EPS8L1: variants seen among roughly 807,000 people sequenced by gnomAD.
EPS8L1 encodes the protein epidermal growth factor receptor kinase substrate 8-like protein 1.
EPS8L1 carries 101 observed loss-of-function variants against 91.7 expected under a neutral mutation model. That is an observed-to-expected ratio of 1.10 (90% confidence interval 0.94 to 1.30). The LOEUF (loss-of-function observed/expected upper bound fraction) is 1.30. Among genes scored for constraint, EPS8L1 ranks in the 50% most tolerant of loss-of-function variants. The pLI, the probability that EPS8L1 is intolerant of heterozygous loss-of-function variation, is 0.00. For synonymous variants in EPS8L1, 506 were observed against 445.3 expected (o/e 1.14, Z -1.72); for missense variants, 1,114 against 1,017.0 (o/e 1.10, Z -1.30).
chr19:55,082,603 G>T lies in EPS8L1; in HGVS notation c.1214+1G>T, dbSNP rs748160171. 6.4e-7 allele frequency: 1 copy of T among 1,558,702 alleles called. No homozygotes were observed. The highest frequency in any genetic ancestry group is 1.9e-5 in the Admixed American group (1 of 51,726). ...TGGGGGACTCGTGGACCCGCCCCGG[G>T]TGAGGGGCGGGGCTGGGAGGCAGGG... On this transcript the variant is annotated splice_donor_variant, in intron 12 of 19. Transcript: ENST00000201647. LOFTEE classifies it high-confidence loss of function.
Position 55,081,987 on chromosome 19 carries a change from TTGCCAGGGC to T in EPS8L1, c.901+91_902-94del, listed in dbSNP as rs756314632. ...TCCCCAGGCTCTCCCCTCCCGCCAC[TTGCCAGGGC>T]TGACCTCACCGCCATCTTAACCGGG... On this transcript the variant is annotated intron_variant, in intron 9 of 19. Transcript: ENST00000201647. This position sits in a 1 kb window ranked among gnomAD's most constrained non-coding sequence, Gnocchi z 4.9. 175 of 1,555,418 alleles carry T rather than the reference TTGCCAGGGC, an allele frequency of 1.1e-4. No homozygotes were observed. The highest frequency in any genetic ancestry group is 6.7e-4 in the Middle Eastern group (4 of 6,000).
At position 55,079,682 on chromosome 19, in the gene EPS8L1, C is replaced by G. The variant is rs187625015; in HGVS notation, c.118-8C>G. 9.3e-6 allele frequency: 15 copies of G among 1,612,290 alleles called. No homozygotes were observed. The African/African-American group carries it at 1.7e-4, about 19-fold the overall frequency. ...GGGCCTCACTGCTTTCTCCATGGTCCGTACCAGCACCTGGTGACGTTCTGC... is the reference window on the plus strand; with the variant it reads ...GGGCCTCACTGCTTTCTCCATGGTCGGTACCAGCACCTGGTGACGTTCTGC... On this transcript the variant is annotated splice_polypyrimidine_tract_variant and splice_region_variant and intron_variant, in intron 4 of 19. Coordinates refer to ENST00000201647, the MANE Select transcript of EPS8L1 (RefSeq NM_133180.3).
At position 55,087,709 on chromosome 19, in the gene EPS8L1, T is replaced by C; in HGVS notation, c.*95T>C. On this transcript the variant is annotated 3_prime_UTR_variant, in exon 20 of 20. Transcript: ENST00000201647. The stretch of plus-strand genomic sequence containing the variant: ...TAGCGGAAGTCGATCTTCTGAAGGA[T>C]GGCCAATCTGCTCCGGCCCTGGTCT... The C allele has an allele frequency of 7.7e-7, 1 of 1,292,282 alleles. No homozygotes were observed. The highest frequency in any genetic ancestry group is 1.3e-5 in the South Asian group (1 of 79,304). 80.1% of individuals were successfully genotyped at this position (1,292,282 alleles called of 1,614,324 possible).
In EPS8L1 at chr19:55,087,591, G is replaced by A. The variant is rs1602959441; in HGVS notation, c.2149G>A (p.Glu717Lys). The A allele has an allele frequency of 1.2e-6, 2 of 1,614,196 alleles. No individual in the cohort carries two copies. Among genetic ancestry groups the A allele is most frequent in the Non-Finnish European group, 1.7e-6 (2 of 1,180,030 alleles). ...GAAGCAAAAGAAGAAGGTGGAAGGCGAGGTGGAAATGGAGGTCATTTGACC... is the reference window on the plus strand; with the variant it reads ...GAAGCAAAAGAAGAAGGTGGAAGGCAAGGTGGAAATGGAGGTCATTTGACC... ...MEKQKKKVEGEVEMEVI is the reference protein window; with the variant it reads ...MEKQKKKVEGKVEMEVI The change falls in exon 20 of 20, where the codon GAG (glutamate) becomes AAG (lysine). Residue 717 changes from glutamate to lysine, a missense_variant. Glu to Lys is a moderately conservative substitution (Grantham distance 56). Coordinates refer to ENST00000201647, the MANE Select transcript of EPS8L1 (RefSeq NM_133180.3).
intron 14 of EPS8L1, 76 bp from the exon 15 acceptor site, chr19:55,085,765 C>A: frequency 6.5e-7 from 1 of 1,535,160 alleles, no homozygotes; most frequent in Non-Finnish European, 8.8e-7. Context: ...CTAACCCCAG[C>A]TCACACCAGC....
intron 6 of EPS8L1, 33 bp downstream of exon 6, chr19:55,080,311 T>C (rs1010209706): frequency 8.5e-6 from 13 of 1,533,208 alleles, no homozygotes; most frequent in Admixed American, 4.0e-5. Flanking sequence ...GGGGTGGAGC[T>C]GGAACTGGGC....
chr19:55,078,116 A>G lies in EPS8L1; in HGVS notation c.46A>G (p.Lys16Glu), dbSNP rs759242005. The stretch of plus-strand genomic sequence containing the variant: ...AGAAGCTGCCCCAAAGCCAAGCGCC[A>G]AGTCTATCTATGGTGAGCGGGGGGC... The part of the protein sequence containing the change: ...GPEAAPKPSA[K>E]SIYEQRKRYS... The change falls in exon 3 of 20, where the codon AAG becomes GAG. Residue 16 changes from lysine (K) to glutamate (E), a missense_variant. By Grantham distance (56) the Lys-to-Glu change is moderately conservative. Transcript: ENST00000201647. 1 of 1,613,646 alleles carries G rather than the reference A, an allele frequency of 6.2e-7. No individual in the cohort carries two copies. Among genetic ancestry groups the G allele is most frequent in the Non-Finnish European group, 8.5e-7 (1 of 1,179,836 alleles).
chr19:55,082,710 G>A, intron 12 of EPS8L1, 108 bp downstream of exon 12: 6 of 1,099,186 alleles, frequency 5.5e-6, no homozygotes, highest in Non-Finnish European at 7.6e-6. Flanking sequence ...AGTAGGGAGG[G>A]GTTAGAGGCG....
intron 6 of EPS8L1, 109 bp from the exon 7 acceptor site, chr19:55,080,654 AGGTGTGAAC>A: frequency 6.4e-7 from 1 of 1,565,234 alleles, no homozygotes; most frequent in South Asian, 1.2e-5. Flanking sequence ...GTGGGTTCAC[AGGTGTGAAC>A]GGTAGCCGCA....
chr19:55,087,280 G>T, intron 18 of EPS8L1, 23 bp from the exon 19 acceptor site: 1 of 1,581,250 alleles, frequency 6.3e-7, no homozygotes. Flanking sequence ...CGGCCTGACC[G>T]CGCCCGGGCT....
chr19:55,087,031 C>G (rs1394909328), intron 18 of EPS8L1, 143 bp downstream of exon 18: 4 of 1,175,428 alleles, frequency 3.4e-6, no homozygotes, highest in Non-Finnish European at 4.6e-6. Context: ...TGTCTGGTAG[C>G]AACACCCAAT....
intron 2 of EPS8L1, among the ~76,000 whole-genome samples, chr19:55,076,866 G>A (rs2076144210): frequency 6.6e-6 from 1 of 152,212 alleles, no homozygotes; most frequent in African/African-American, 2.4e-5. Context: ...TTGTTATGTT[G>A]TTAGTAAATA....
In EPS8L1 at chr19:55,081,126, C is replaced by A; in HGVS notation, c.513-105C>A. On this transcript the variant is annotated intron_variant, in intron 7 of 19. Coordinates refer to ENST00000201647, the MANE Select transcript of EPS8L1 (RefSeq NM_133180.3). The surrounding 1 kb of genome is among the most constrained non-coding windows in gnomAD (Gnocchi z 4.9). ...CCCTACCTCGTTGAACTTGTTCACT[C>A]CCTTTGAGCCTTTTGAGCCTGTGTG... 4 of 1,351,258 alleles carry A rather than the reference C, an allele frequency of 3.0e-6. No individual in the cohort carries two copies. The highest frequency in any genetic ancestry group is 3.9e-6 in the Non-Finnish European group (4 of 1,024,800). 83.7% of individuals were successfully genotyped at this position (1,351,258 alleles called of 1,614,324 possible). A position where few individuals can be genotyped will look rare whatever the true frequency, so the allele number is the denominator to read the frequency against.
At position 55,080,590 on chromosome 19, in the gene EPS8L1, G is replaced by C. The variant is rs764668132; in HGVS notation, c.430-182G>C. On this transcript the variant is annotated intron_variant, in intron 6 of 19. Transcript: ENST00000201647. Reference sequence around the variant, plus strand: ...CTGGGTCTCCATGGGCGGGGTCGTGGCTTAGGGCAGGGACAGGTGTAGGGC... The same window carrying C: ...CTGGGTCTCCATGGGCGGGGTCGTGCCTTAGGGCAGGGACAGGTGTAGGGC... The C allele has an allele frequency of 1.9e-5, 30 of 1,601,484 alleles. No individual in the cohort carries two copies. In the South Asian group the frequency reaches 3.2e-4, roughly 17 times the overall value.
Position 55,080,767 on chromosome 19 carries a change from G to A in EPS8L1, c.430-5G>A. On this transcript the variant is annotated splice_region_variant and splice_polypyrimidine_tract_variant and intron_variant, in intron 6 of 19. Transcript: ENST00000201647. ...GGAGGCGTGGCCTGACGGTGTGATTGGCAGGCGGAGCTGATCCGAGAGGAC... is the reference window on the plus strand; with the variant it reads ...GGAGGCGTGGCCTGACGGTGTGATTAGCAGGCGGAGCTGATCCGAGAGGAC... 1 of 1,607,272 alleles carries A rather than the reference G, an allele frequency of 6.2e-7. No individual in the cohort carries two copies. Among genetic ancestry groups the A allele is most frequent in the Non-Finnish European group, 8.5e-7 (1 of 1,177,220 alleles).
intron 18 of EPS8L1, 156 bp downstream of exon 18, chr19:55,087,044 C>A: frequency 9.0e-7 from 1 of 1,115,036 alleles, no homozygotes; most frequent in Non-Finnish European, 1.2e-6. Context: ...CACCCAATGG[C>A]AGGCTGTGAT....
intron 15 of EPS8L1, 35 bp downstream of exon 15, chr19:55,086,008 G>A: frequency 6.2e-7 from 1 of 1,602,726 alleles, no homozygotes; most frequent in Non-Finnish European, 8.5e-7. Context: ...GCAGGAATTA[G>A]CCAGCCCTAG....
Position 55,082,328 on chromosome 19 carries a change from C to A in EPS8L1, c.1044C>A (p.Phe348Leu). The A allele has an allele frequency of 6.2e-7, 1 of 1,612,830 alleles. No individual in the cohort carries two copies. The highest frequency in any genetic ancestry group is 8.5e-7 in the Non-Finnish European group (1 of 1,179,906). Reference sequence around the variant, plus strand: ...CCTCCTCTCCGGAGCTGTTGCACTTCCTTTTCGGGCCTCTGCAGATGGTGA... The same window carrying A: ...CCTCCTCTCCGGAGCTGTTGCACTTACTTTTCGGGCCTCTGCAGATGGTGA... ...ADPSSPELLH[F>L]LFGPLQMIVN... The change falls in exon 11 of 20, where the codon TTC becomes TTA. Residue 348 changes from phenylalanine to leucine, a missense_variant. By Grantham distance (22) the Phe-to-Leu change is conservative (BLOSUM62 0). Coordinates refer to ENST00000201647, the MANE Select transcript of EPS8L1 (RefSeq NM_133180.3).
rs907299102 is a variant in EPS8L1, at chr19:55,086,810, C to A, written c.1874C>A (p.Ala625Asp). ...GPSRAVPGPR[A>D]PEPQLSPGSD... ...AGCCGCGCAGTCCCAGGGCCCCGCG[C>A]CCCGGAACCGCAGCTCAGCCCGGGC... The change falls in exon 18 of 20, where the codon GCC becomes GAC. Residue 625 changes from alanine to aspartate, a missense_variant. Physicochemically the swap from Ala to Asp is moderately radical, Grantham distance 126. Coordinates refer to ENST00000201647, the MANE Select transcript of EPS8L1 (RefSeq NM_133180.3). 6.3e-7 allele frequency: 1 copy of A among 1,589,618 alleles called. No homozygotes were observed. The highest frequency in any genetic ancestry group is 8.6e-7 in the Non-Finnish European group (1 of 1,169,304).
Sources: gnomAD v4.1 joint callset for allele counts (sites outside exome capture counted in the v4.1 genomes callset) on GRCh38, gnomAD v4.1.1 for gene constraint, Gnocchi (gnomAD v3.1) non-coding constraint, MANE v1.5 for transcripts, NCBI Gene and HGNC (gene_info 2026-07-23, HGNC 2026-07-21) for gene names.